Variants in CDYL observed in about 807,000 individuals in gnomAD.
The protein encoded by CDYL is chromodomain Y-like protein.
Under a neutral mutation model 47.3 loss-of-function variants are expected in CDYL, and 8 were observed. The observed-to-expected ratio is 0.17, with a 90% CI of 0.10 to 0.31. CDYL has a LOEUF of 0.31. Among genes scored for constraint, CDYL ranks in the 10% least tolerant of loss-of-function variants. The pLI is 1.00. For missense variants in CDYL, 471 were observed against 701.4 expected (o/e 0.67, Z 3.71); for synonymous variants, 266 against 265.0 (o/e 1.00, Z -0.04).
chr6:4,926,727 T>C (rs1482592042), intron 2 of CDYL, among the ~76,000 whole-genome samples: 1 of 152,230 alleles, frequency 6.6e-6, no homozygotes, highest in Non-Finnish European at 1.5e-5. Context: ...AAAGAGCCAA[T>C]ATTAACATTT....
chr6:4,877,547 C>G (rs898119223), intron 1 of CDYL, among the ~76,000 whole-genome samples: 9 of 152,260 alleles, frequency 5.9e-5, no homozygotes, highest in African/African-American at 2.2e-4. Context: ...ATATGGATAT[C>G]CAGTATCCCA....
At chr6:4,789,077 T>G (rs1161763910) in intron 1 of CDYL, among the ~76,000 whole-genome samples, 1 of 146,830 alleles carries the variant, frequency 6.8e-6, no homozygotes, top group Non-Finnish European at 1.5e-5. Flanking sequence ...TTTCGTGTTT[T>G]TTGTTTGTTT....
intron 2 of CDYL, among the ~76,000 whole-genome samples, chr6:4,895,941 CTTG>C (rs1762270617): frequency 6.6e-6 from 1 of 152,076 alleles, no homozygotes; most frequent in African/African-American, 2.4e-5. Context: ...ATTATTTTAC[CTTG>C]TTGTGCGGAG....
At position 4,925,409 on chromosome 6, in the gene CDYL, C is replaced by CTTTTTTTTT. The variant is rs58457972; in HGVS notation, c.692-10094_692-10086dup. 4.0e-3 allele frequency among the ~76,000 whole-genome samples: 435 copies of CTTTTTTTTT among 109,156 alleles called. 1 individual carries two copies. The highest frequency in any genetic ancestry group is 5.2e-3 in the Non-Finnish European group (298 of 57,750). 71.6% of individuals were successfully genotyped at this position (109,156 alleles called of 152,430 possible). A position where few individuals can be genotyped will look rare whatever the true frequency, so the allele number is the denominator to read the frequency against. ...CTCATTACAGGAGCTATTCTTTTTTCTTTTTTTTTTTTTTTTTTTTGAGAC... is the reference window on the plus strand; with the variant it reads ...CTCATTACAGGAGCTATTCTTTTTTCTTTTTTTTTTTTTTTTTTTTTTTTTTTTTGAGAC... On this transcript the variant is annotated intron_variant, in intron 2 of 6. Transcript: ENST00000397588.
intron 1 of CDYL, among the ~76,000 whole-genome samples, chr6:4,845,004 T>C (rs1042011717): frequency 6.6e-6 from 1 of 152,176 alleles, no homozygotes; most frequent in East Asian, 1.9e-4. Context: ...CAATCAAAAA[T>C]AGAAGGGCCA....
At chr6:4,715,309 C>T (rs1353430268) in intron 1 of CDYL, among the ~76,000 whole-genome samples, 1 of 150,572 alleles carries the variant, frequency 6.6e-6, no homozygotes, top group African/African-American at 2.4e-5. Context: ...CATCTGTGTC[C>T]ACCAGTCTAC....
chr6:4,724,229 A>G (rs2127411304), intron 2 of CDYL, among the ~76,000 whole-genome samples: 1 of 151,552 alleles, frequency 6.6e-6, no homozygotes, highest in African/African-American at 2.4e-5. Flanking sequence ...TTTTTTTTTA[A>G]GTAGAGACAG....
chr6:4,869,392 G>A (rs147011964), intron 1 of CDYL, among the ~76,000 whole-genome samples: 2 of 152,112 alleles, frequency 1.3e-5, no homozygotes, highest in Non-Finnish European at 2.9e-5. Flanking sequence ...CACCGTGCCT[G>A]GCCTTGATCT....
chr6:4,842,936 C>A (rs966127459), intron 1 of CDYL, among the ~76,000 whole-genome samples: 1 of 152,048 alleles, frequency 6.6e-6, no homozygotes, highest in Admixed American at 6.6e-5. Flanking sequence ...ATTTATATCT[C>A]CTTTTAGCAG....
At chr6:4,768,704 C>T (rs966144968) in intron 3 of CDYL, among the ~76,000 whole-genome samples, 10 of 152,256 alleles carry the variant, frequency 6.6e-5, no homozygotes, top group African/African-American at 2.2e-4. Context: ...TAAGTGTGGG[C>T]TGCTCAAAGT....
intron 3 of CDYL, among the ~76,000 whole-genome samples, chr6:4,737,339 C>T (rs1012617619): frequency 8.2e-6 from 1 of 121,538 alleles, no homozygotes; most frequent in Non-Finnish European, 1.7e-5. Flanking sequence ...AAATAACAAA[C>T]TTAAGAAATA....
At chr6:4,773,219 T>C, upstream of CDYL, 2 of 457,292 alleles carry the variant, frequency 4.4e-6, no homozygotes, top group South Asian at 3.1e-5. This position sits in a 1 kb window ranked among gnomAD's most constrained non-coding sequence, Gnocchi z 4.6. Flanking sequence ...CTTTTAATCA[T>C]GTGTGTATAT....
intron 2 of CDYL, among the ~76,000 whole-genome samples, chr6:4,927,191 TTC>T (rs1757900689): frequency 6.6e-6 from 1 of 152,148 alleles, no homozygotes; most frequent in Non-Finnish European, 1.5e-5. Context: ...CTCATGTACT[TTC>T]TGTTTTAGGA....
chr6:4,886,774 C>T (rs965722310), intron 1 of CDYL, among the ~76,000 whole-genome samples: 4 of 152,072 alleles, frequency 2.6e-5, no homozygotes, highest in African/African-American at 9.7e-5. Context: ...TGCAAGAAAT[C>T]ACTGCCTAAT....
chr6:4,873,860 G>A (rs532452589), intron 1 of CDYL, among the ~76,000 whole-genome samples: 12 of 152,268 alleles, frequency 7.9e-5, no homozygotes, highest in African/African-American at 2.6e-4. Flanking sequence ...CACATGCGCC[G>A]CAGCTGTGCA....
chr6:4,891,250 GT>G lies in CDYL; in HGVS notation c.25-460del, dbSNP rs567462931. ...ATGATACTTGTGATACAGATCATAT[GT>G]TTCTTTGATGGCAGTTTCACACCAC... On this transcript the variant is annotated intron_variant, in intron 1 of 6. Transcript: ENST00000397588. Among the ~76,000 whole-genome samples the G allele has an allele frequency of 2.9e-3, 437 of 152,310 alleles. 4 individuals carry two copies. The highest frequency in any genetic ancestry group is 0.01 in the African/African-American group (419 of 41,566).
At chr6:4,871,881 T>C (rs1418687048) in intron 1 of CDYL, among the ~76,000 whole-genome samples, 2 of 152,210 alleles carry the variant, frequency 1.3e-5, no homozygotes, top group Non-Finnish European at 2.9e-5. Context: ...GCATTGGCAT[T>C]GTGACAGTTT....
intron 1 of CDYL, among the ~76,000 whole-genome samples, chr6:4,800,986 CT>C (rs2127439120): frequency 6.6e-6 from 1 of 152,282 alleles, no homozygotes; most frequent in South Asian, 2.1e-4. Context: ...CTTCAGATGT[CT>C]TTTCCTCCTT....
At chr6:4,932,622 G>A (rs980745435) in intron 2 of CDYL, among the ~76,000 whole-genome samples, 4 of 152,200 alleles carry the variant, frequency 2.6e-5, no homozygotes, top group Admixed American at 1.3e-4. Flanking sequence ...AGACCCAGGA[G>A]CTCTCACTTG....
Sources: allele counts gnomAD v4.1 joint callset (sites outside exome capture counted in the v4.1 genomes callset), GRCh38; gene constraint gnomAD v4.1.1; non-coding constraint Gnocchi (gnomAD v3.1); transcripts MANE v1.5; gene names NCBI Gene and HGNC (gene_info 2026-07-23, HGNC 2026-07-21).